Variants in NLGN4X observed in about 807,000 individuals in gnomAD.
NLGN4X encodes the protein neuroligin 4 X-linked.
In NLGN4X, 3 loss-of-function variants were observed where a neutral mutation model predicts 40.3. That is an observed-to-expected ratio of 0.07 (90% CI 0.03 to 0.19). The LOEUF (loss-of-function observed/expected upper bound fraction) is 0.19, where lower values mean the gene tolerates loss of function less well. Among genes scored for constraint, NLGN4X ranks in the 10% least tolerant of loss-of-function variants. The probability of loss-of-function intolerance (pLI) is 1.00; values close to 1 mark genes in which losing one functional copy is unlikely to be tolerated. For missense variants in NLGN4X, 382 were observed against 708.3 expected (o/e 0.54, Z 5.23); for synonymous variants, 270 against 306.8 (o/e 0.88, Z 1.25).
intron 2 of NLGN4X, among the ~76,000 whole-genome samples, chrX:6,083,595 G>A (rs969164977): frequency 1.8e-5 from 2 of 111,868 alleles, no homozygotes; most frequent in African/African-American, 6.5e-5. Flanking sequence ...CTGAGATAAG[G>A]AAGCTGTCAC....
chrX:6,046,130 A>C (rs1258790620), intron 2 of NLGN4X, among the ~76,000 whole-genome samples: 1 of 112,221 alleles, frequency 8.9e-6, no homozygotes, highest in Non-Finnish European at 1.9e-5. Context: ...TGTTACATAA[A>C]ATATATAAAA....
Position 6,030,952 on chromosome X carries a change from A to G in NLGN4X, c.473-1520T>C, listed in dbSNP as rs745379686. ...GTAAATTGTGGAAAAAAGAGTAAGT[A>G]GAGATTTTGAAGGGCTGCTTTAAAG... On this transcript the variant is annotated intron_variant, in intron 2 of 5. Coordinates refer to ENST00000381095, the MANE Select transcript of NLGN4X (RefSeq NM_181332.3). Among the ~76,000 whole-genome samples, 39 of 112,103 alleles carry G rather than the reference A, an allele frequency of 3.5e-4. 1 individual carries two copies. The highest frequency in any genetic ancestry group is 9.4e-5 in the Non-Finnish European group (5 of 53,237).
At chrX:6,141,373 C>G (rs149275926) in intron 2 of NLGN4X, among the ~76,000 whole-genome samples, 23 of 111,634 alleles carry the variant, frequency 2.1e-4, no homozygotes, top group African/African-American at 6.8e-4. Context: ...AACCTGACAT[C>G]AAAGTCTTAA....
chrX:5,955,919 G>A (rs1439212940), intron 3 of NLGN4X, among the ~76,000 whole-genome samples: 9 of 108,473 alleles, frequency 8.3e-5, no homozygotes, highest in Non-Finnish European at 1.5e-4. Context: ...TGTTTGGAAA[G>A]CAATGCAAGA....
intron 2 of NLGN4X, among the ~76,000 whole-genome samples, chrX:6,049,238 AGGGGAGGGGAGGGGAG>A (rs1569207632): frequency 0.021 from 62 of 2,907 alleles, no homozygotes; most frequent in East Asian, 0.11. Flanking sequence ...AGGGGAGGGG[AGGGGAGGGGAGGGGAG>A]GGGAGGGGAG....
chrX:5,938,816 G>A (rs73450245), intron 3 of NLGN4X, among the ~76,000 whole-genome samples: 1,336 of 111,357 alleles, frequency 0.012, 17 homozygotes, highest in African/African-American at 0.041. Flanking sequence ...ATATTTTTAG[G>A]AGACATAACA....
At chrX:6,180,089 T>C (rs193044533) in intron 1 of NLGN4X, among the ~76,000 whole-genome samples, 3 of 112,152 alleles carry the variant, frequency 2.7e-5, no homozygotes, top group East Asian at 5.6e-4. Flanking sequence ...CTTAATAAAT[T>C]GGTTCAATTG....
intron 3 of NLGN4X, among the ~76,000 whole-genome samples, chrX:5,972,912 G>T (rs2035067598): frequency 8.9e-6 from 1 of 111,755 alleles, no homozygotes; most frequent in South Asian, 3.7e-4. Context: ...TTGGTTCTAT[G>T]TCAAATAGAA....
chrX:5,900,050 A>C (rs1293797477), intron 5 of NLGN4X, among the ~76,000 whole-genome samples: 1 of 112,350 alleles, frequency 8.9e-6, no homozygotes, highest in African/African-American at 3.2e-5. Flanking sequence ...CAAGAGGATG[A>C]AATTCTCTGC....
chrX:5,921,858 T>C (rs192398310), intron 3 of NLGN4X, among the ~76,000 whole-genome samples: 60 of 111,502 alleles, frequency 5.4e-4, no homozygotes, highest in Admixed American at 4.9e-3. Context: ...AGGTAGTATT[T>C]TCTAGATTCA....
chrX:6,109,830 AC>A (rs2039108166), intron 2 of NLGN4X, among the ~76,000 whole-genome samples: 1 of 111,854 alleles, frequency 8.9e-6, no homozygotes, highest in African/African-American at 3.2e-5. Flanking sequence ...CAAAATCACT[AC>A]TTTATTTTGA....
chrX:6,050,772 T>C (rs866301834), intron 2 of NLGN4X, among the ~76,000 whole-genome samples: 12 of 84,254 alleles, frequency 1.4e-4, no homozygotes, highest in Middle Eastern at 0.012. Context: ...TCTGTCTGTC[T>C]GTCCATCTAT....
chrX:6,000,283 T>C (rs1206506726), intron 3 of NLGN4X, among the ~76,000 whole-genome samples: 1 of 112,487 alleles, frequency 8.9e-6, no homozygotes, highest in African/African-American at 3.2e-5. Flanking sequence ...ATGTCCCTTT[T>C]CTGCAACAAA....
At chrX:6,190,181 G>A (rs1200138052) in intron 1 of NLGN4X, among the ~76,000 whole-genome samples, 3 of 110,993 alleles carry the variant, frequency 2.7e-5, no homozygotes, top group South Asian at 3.8e-4. Context: ...ATTTGTTTAT[G>A]GCAGGAAATA....
intron 3 of NLGN4X, among the ~76,000 whole-genome samples, chrX:5,980,439 G>T (rs2035350119): frequency 9.4e-6 from 1 of 106,241 alleles, no homozygotes; most frequent in South Asian, 4.1e-4. Context: ...TTTTAAGTAA[G>T]AAATATTTGC....
At chrX:5,922,060 G>C (rs1165847518) in intron 3 of NLGN4X, among the ~76,000 whole-genome samples, 2 of 111,476 alleles carry the variant, frequency 1.8e-5, no homozygotes, top group South Asian at 3.9e-4. Context: ...AGAATCAGAG[G>C]GAAAAGGGAG....
intron 3 of NLGN4X, among the ~76,000 whole-genome samples, chrX:5,967,786 G>A (rs1259105931): frequency 1.8e-5 from 2 of 111,109 alleles, no homozygotes; most frequent in Non-Finnish European, 3.8e-5. Context: ...AGGACACACA[G>A]GAAAGGTTAC....
intron 5 of NLGN4X, 115 bp downstream of exon 5, chrX:5,902,962 G>A: frequency 1.2e-6 from 1 of 805,254 alleles, no homozygotes; most frequent in Non-Finnish European, 1.9e-6. Context: ...GTGCATGCAT[G>A]TGTATGTGTG....
At chrX:5,976,263 C>T (rs1426522978) in intron 3 of NLGN4X, among the ~76,000 whole-genome samples, 2 of 112,135 alleles carry the variant, frequency 1.8e-5, no homozygotes, top group East Asian at 2.8e-4. Flanking sequence ...CAAAGAGAAA[C>T]GGACTATGTT....
Sources: gnomAD v4.1 joint callset for allele counts (sites outside exome capture counted in the v4.1 genomes callset) on GRCh38, gnomAD v4.1.1 for gene constraint, MANE v1.5 for transcripts, NCBI Gene and HGNC (gene_info 2026-07-23, HGNC 2026-07-21) for gene names.